Variants in WIPF2 observed in about 807,000 individuals in gnomAD.
The protein encoded by WIPF2 is WAS/WASL-interacting protein family member 2.
WIPF2 carries 23 observed loss-of-function variants against 38.8 expected under a neutral mutation model. The observed-to-expected ratio is 0.59, with a 90% CI of 0.43 to 0.84. The LOEUF (loss-of-function observed/expected upper bound fraction) is 0.84. Among genes scored for constraint, WIPF2 ranks in the 40% least tolerant of loss-of-function variants. WIPF2 has a pLI of 0.00. For missense variants in WIPF2, 574 were observed against 580.5 expected (o/e 0.99, Z 0.11); for synonymous variants, 210 against 223.2 (o/e 0.94, Z 0.53).
Position 40,264,345 on chromosome 17 carries a change from A to G in WIPF2, c.314-145A>G, listed in dbSNP as rs1043799837. The G allele has an allele frequency of 2.1e-4, 139 of 666,964 alleles. 2 individuals carry two copies. The South Asian group carries it at 2.6e-3, about 13-fold the overall frequency. The allele number at this position is 666,964 out of a possible 1,614,324, so 41.3% of individuals were successfully genotyped here. A position where few individuals can be genotyped will look rare whatever the true frequency, so the allele number is the denominator to read the frequency against. On this transcript the variant is annotated intron_variant, in intron 4 of 7. Coordinates refer to ENST00000323571, the MANE Select transcript of WIPF2 (RefSeq NM_133264.5). ...TCGTCTCAAAAAAAAAAAAAAAAAA[A>G]AAAAAAAAGAAAAACAAAAAACCCA... is the stretch of plus-strand genomic sequence containing the variant.
At chr17:40,252,985 C>T (rs1280164381) in intron 1 of WIPF2, among the ~76,000 whole-genome samples, 2 of 151,570 alleles carry the variant, frequency 1.3e-5, no homozygotes, top group Non-Finnish European at 1.5e-5. Flanking sequence ...AGGCTGGTCT[C>T]GAACTCCTGG....
chr17:40,259,178 G>A (rs981903093), intron 2 of WIPF2, among the ~76,000 whole-genome samples: 9 of 151,050 alleles, frequency 6.0e-5, no homozygotes, highest in East Asian at 5.9e-4. Context: ...TGTGCCGGCC[G>A]GCCTCGTGCT....
intron 1 of WIPF2, among the ~76,000 whole-genome samples, chr17:40,221,630 G>C (rs1404076371): frequency 7.0e-6 from 1 of 142,882 alleles, no homozygotes; most frequent in African/African-American, 2.6e-5. Flanking sequence ...ACCCAGGCTG[G>C]AGTGCAGTGG....
At chr17:40,265,792 A>G (rs1424917447) in intron 5 of WIPF2, among the ~76,000 whole-genome samples, 1 of 152,196 alleles carries the variant, frequency 6.6e-6, no homozygotes, top group Non-Finnish European at 1.5e-5. Context: ...ACAGAGAAGT[A>G]GTATGATTTG....
chr17:40,256,513 A>G lies in WIPF2; in HGVS notation c.54A>G (p.Thr18=), dbSNP rs2031735921. The G allele has an allele frequency of 1.2e-6, 2 of 1,603,186 alleles. No homozygotes were observed. Among genetic ancestry groups the G allele is most frequent in the African/African-American group, 2.7e-5 (2 of 73,740 alleles). ...CACCTGGTCCTCCTCCACCTCCCAC[A>G]TTTCATCAGGTAGGTAGTCCTTCCA... ...PPPPGPPPPP[T]FHQANTEQPK... is the part of the protein sequence containing the mutation. Residue 18 remains threonine (T), a synonymous_variant, in exon 2 of 8, where the codon ACA becomes ACG. Transcript: ENST00000323571.
At chr17:40,259,582 T>TA (rs1281673251) in intron 2 of WIPF2, among the ~76,000 whole-genome samples, 1 of 152,204 alleles carries the variant, frequency 6.6e-6, no homozygotes, top group Non-Finnish European at 1.5e-5. Flanking sequence ...TTTCTCATCT[T>TA]TGGAATGGGA....
At position 40,256,411 on chromosome 17, in the gene WIPF2, T is replaced by A. The variant is rs750037601; in HGVS notation, c.-49T>A. The A allele has an allele frequency of 3.2e-6, 5 of 1,586,526 alleles. No homozygotes were observed. In the East Asian group the frequency reaches 1.2e-4, roughly 37 times the overall value. On this transcript the variant is annotated 5_prime_UTR_variant, in exon 2 of 8. Coordinates refer to ENST00000323571, the MANE Select transcript of WIPF2 (RefSeq NM_133264.5). ...TGCAGGTATATGAATGACCTAAAGG[T>A]ACAAATAAAGACGGAGAGAGAACAG...
Position 40,220,776 on chromosome 17 carries a change from G to GT in WIPF2, c.-70+1300dup, listed in dbSNP as rs773127708. 6.5e-3 allele frequency among the ~76,000 whole-genome samples: 817 copies of GT among 125,902 alleles called. 10 individuals are homozygous for GT. Among genetic ancestry groups the GT allele is most frequent in the African/African-American group, 0.017 (566 of 33,810 alleles). The allele number at this position is 125,902 out of a possible 152,430, so 82.6% of individuals were successfully genotyped here. A position where few individuals can be genotyped will look rare whatever the true frequency, so the allele number is the denominator to read the frequency against. On this transcript the variant is annotated intron_variant, in intron 1 of 7. Transcript: ENST00000323571. ...AGCCACTGTGCCTGGCCCAGAATTC[G>GT]TTTTTTTTTTTTTTTTGAGATGGAG...
chr17:40,257,081 C>T (rs563831248), intron 2 of WIPF2, among the ~76,000 whole-genome samples: 1 of 152,036 alleles, frequency 6.6e-6, no homozygotes, highest in South Asian at 2.1e-4. Flanking sequence ...TGGGTTCAAG[C>T]GATTCTTCTG....
chr17:40,277,761 C>T (rs1423577328), intron 7 of WIPF2, among the ~76,000 whole-genome samples: 2 of 94,296 alleles, frequency 2.1e-5, no homozygotes, highest in South Asian at 2.7e-4. Context: ...GTCTCCCTAT[C>T]GTCACCCAGG....
In WIPF2 at chr17:40,219,312, C is replaced by G; in HGVS notation, c.-250C>G. ...CTTTTTCCCCCGCCTCCATTTTGTT[C>G]GCGGACGCTGGGGACGGTGGGAGCA... On this transcript the variant is annotated 5_prime_UTR_variant, in exon 1 of 8. Transcript: ENST00000323571. 1 of 292,638 alleles carries G rather than the reference C, an allele frequency of 3.4e-6. No homozygotes were observed. The highest frequency in any genetic ancestry group is 5.5e-5 in the Admixed American group (1 of 18,066). The allele number at this position is 292,638 out of a possible 1,614,324, so 18.1% of individuals were successfully genotyped here. A position where few individuals can be genotyped will look rare whatever the true frequency, so the allele number is the denominator to read the frequency against.
intron 1 of WIPF2, among the ~76,000 whole-genome samples, chr17:40,228,295 G>A (rs1183409275): frequency 1.3e-5 from 2 of 152,076 alleles, no homozygotes; most frequent in South Asian, 2.1e-4. Flanking sequence ...GATTACAGGC[G>A]TGAGCCACCG....
chr17:40,249,327 G>GTAGT (rs2031478131), intron 1 of WIPF2, among the ~76,000 whole-genome samples: 1 of 152,162 alleles, frequency 6.6e-6, no homozygotes, highest in African/African-American at 2.4e-5. Context: ...GTAAAGGGTA[G>GTAGT]TAGTTGGTGT....
intron 1 of WIPF2, among the ~76,000 whole-genome samples, chr17:40,252,691 A>G (rs2031596987): frequency 6.6e-6 from 1 of 151,808 alleles, no homozygotes; most frequent in Non-Finnish European, 1.5e-5. Context: ...CCTCCTCAAA[A>G]AGGCAGGACC....
intron 4 of WIPF2, among the ~76,000 whole-genome samples, chr17:40,262,886 T>G (rs1178254860): frequency 2.6e-5 from 4 of 152,214 alleles, no homozygotes. Flanking sequence ...AGAAGGAAAC[T>G]TCTGTCATTT....
intron 1 of WIPF2, among the ~76,000 whole-genome samples, chr17:40,231,983 A>G (rs2030762776): frequency 6.9e-6 from 1 of 144,246 alleles, no homozygotes; most frequent in South Asian, 2.2e-4. Flanking sequence ...TGAAAACAAG[A>G]CCTAAAAAGA....
chr17:40,270,522 G>A (rs972772021), intron 5 of WIPF2, among the ~76,000 whole-genome samples: 4 of 152,086 alleles, frequency 2.6e-5, no homozygotes, highest in African/African-American at 4.8e-5. Context: ...TCGTCTCATC[G>A]CTGTCACCTG....
At chr17:40,268,676 C>A (rs886761988) in intron 5 of WIPF2, among the ~76,000 whole-genome samples, 1 of 152,008 alleles carries the variant, frequency 6.6e-6, no homozygotes, top group Non-Finnish European at 1.5e-5. Context: ...AGCCATCCTC[C>A]CACCTTGGCC....
rs377385105 is a variant in WIPF2 at position 40,255,765 on chromosome 17, A to G, written c.-69-626A>G. Among the ~76,000 whole-genome samples, 41 of 151,046 alleles carry G rather than the reference A, an allele frequency of 2.7e-4. No individual in the cohort carries two copies. The East Asian group carries it at 6.8e-3, about 25-fold the overall frequency. Reference sequence around the variant, plus strand: ...TGCCTCAGCCTCCCGAGTAGCTGGGACTGCAGGCGCCCACCACCACACCGC... The same window carrying G: ...TGCCTCAGCCTCCCGAGTAGCTGGGGCTGCAGGCGCCCACCACCACACCGC... On this transcript the variant is annotated intron_variant, in intron 1 of 7. Coordinates refer to ENST00000323571, the MANE Select transcript of WIPF2 (RefSeq NM_133264.5).
Sources: allele counts gnomAD v4.1 joint callset (sites outside exome capture counted in the v4.1 genomes callset), GRCh38; gene constraint gnomAD v4.1.1; transcripts MANE v1.5; gene names NCBI Gene and HGNC (gene_info 2026-07-23, HGNC 2026-07-21).